DPH6: variants seen among roughly 807,000 people sequenced by gnomAD.
DPH6 encodes the protein diphthine--ammonia ligase.
DPH6 carries 33 observed loss-of-function variants against 38.2 expected under a neutral mutation model. The observed-to-expected ratio is 0.86, with a 90% CI of 0.65 to 1.15. DPH6 has a LOEUF of 1.15. Among genes scored for constraint, DPH6 ranks in the 50% most tolerant of loss-of-function variants. The pLI, the probability that DPH6 is intolerant of heterozygous loss-of-function variation, is 0.00. For synonymous variants in DPH6, 108 were observed against 103.0 expected (o/e 1.05, Z -0.30); for missense variants, 325 against 320.0 (o/e 1.02, Z -0.12).
At chr15:35,202,122 T>C in the DPH6 span, among the ~76,000 whole-genome samples, 1 of 151,868 alleles carries the variant, frequency 6.6e-6, no homozygotes, top group African/African-American at 2.4e-5. Flanking sequence ...ACAGATATAA[T>C]CTATCTATAT....
chr15:35,299,472 C>G, intron 3 of DPH6: 1 of 762,858 alleles, frequency 1.3e-6, no homozygotes, highest in Non-Finnish European at 2.4e-6. Flanking sequence ...GCCCGCCCGC[C>G]GACTCTGCCC....
At chr15:35,473,971 T>C (rs979656080) in intron 3 of DPH6, among the ~76,000 whole-genome samples, 3 of 146,328 alleles carry the variant, frequency 2.1e-5, no homozygotes, top group African/African-American at 5.2e-5. Context: ...CGCGCGCGCG[T>C]GAGCTTTTGT....
chr15:35,513,229 T>C (rs1397684092), intron 3 of DPH6, among the ~76,000 whole-genome samples: 6 of 152,108 alleles, frequency 3.9e-5, no homozygotes, highest in Admixed American at 3.3e-4. Context: ...ATCTTCATAT[T>C]TTTATACTTT....
At chr15:35,209,845 T>A in the DPH6 span, among the ~76,000 whole-genome samples, 1 of 152,224 alleles carries the variant, frequency 6.6e-6, no homozygotes, top group Non-Finnish European at 1.5e-5. Context: ...TGAAGTGCAC[T>A]GAGACTTGAT....
intron 5 of DPH6, among the ~76,000 whole-genome samples, chr15:35,425,998 T>A (rs1331701549): frequency 6.6e-6 from 1 of 151,290 alleles, no homozygotes; most frequent in Non-Finnish European, 1.5e-5. Flanking sequence ...TTACTCCCCT[T>A]TATAAACTGA....
At chr15:35,441,841 T>A (rs2141059110) in intron 5 of DPH6, among the ~76,000 whole-genome samples, 1 of 152,196 alleles carries the variant, frequency 6.6e-6, no homozygotes, top group African/African-American at 2.4e-5. Context: ...TATGTATGTG[T>A]GTGTGTATAC....
chr15:35,224,669 C>T (rs933006562), intron 3 of DPH6, among the ~76,000 whole-genome samples: 6 of 152,068 alleles, frequency 3.9e-5, no homozygotes, highest in Non-Finnish European at 8.8e-5. Context: ...AGTGGCTGTG[C>T]CATTTTGTAT....
chr15:35,229,006 T>C (rs935483596), intron 3 of DPH6, among the ~76,000 whole-genome samples: 1 of 152,208 alleles, frequency 6.6e-6, no homozygotes, highest in Non-Finnish European at 1.5e-5. Flanking sequence ...GAAAGTTTGA[T>C]TATTAAATGC....
At chr15:35,165,741 C>G in the DPH6 span, among the ~76,000 whole-genome samples, 1 of 151,866 alleles carries the variant, frequency 6.6e-6, no homozygotes, top group Non-Finnish European at 1.5e-5. Flanking sequence ...TCATTGTGAT[C>G]AGTAATTAGA....
intron 3 of DPH6, among the ~76,000 whole-genome samples, chr15:35,355,030 C>G (rs1223431564): frequency 6.6e-6 from 1 of 152,144 alleles, no homozygotes; most frequent in Admixed American, 6.5e-5. Flanking sequence ...ATCCCTTTAC[C>G]ATTACGTAAT....
chr15:35,344,517 A>T (rs1291491872), intron 3 of DPH6, among the ~76,000 whole-genome samples: 2 of 151,916 alleles, frequency 1.3e-5, no homozygotes, highest in African/African-American at 4.8e-5. Context: ...ACTTAAAAGG[A>T]TGTTACAAAA....
chr15:35,245,663 T>C (rs575977916), intron 3 of DPH6, among the ~76,000 whole-genome samples: 1 of 152,348 alleles, frequency 6.6e-6, no homozygotes, highest in South Asian at 2.1e-4. Context: ...AGAAGACTTA[T>C]TTCCCTCTGA....
chr15:35,538,997 T>G (rs142163303), intron 2 of DPH6, among the ~76,000 whole-genome samples: 15 of 152,208 alleles, frequency 9.9e-5, no homozygotes, highest in African/African-American at 3.6e-4. Flanking sequence ...TAGATAGATA[T>G]ATATTCAATA....
At position 35,481,755 on chromosome 15, in the gene DPH6, T is replaced by C. The variant is rs917560102; in HGVS notation, c.313-26935A>G. Among the ~76,000 whole-genome samples the C allele has an allele frequency of 7.9e-5, 12 of 152,298 alleles. No individual in the cohort carries two copies. In the East Asian group the frequency reaches 2.3e-3, roughly 29 times the overall value. On this transcript the variant is annotated intron_variant, in intron 3 of 8. Transcript: ENST00000256538. ...TGAAACAAGATGGGTTATAACTTAA[T>C]TGTAGCTGGCTAATAAGTACCTGGG...
chr15:35,500,339 C>T (rs1016589846), intron 3 of DPH6, among the ~76,000 whole-genome samples: 1 of 152,122 alleles, frequency 6.6e-6, no homozygotes, highest in Non-Finnish European at 1.5e-5. Flanking sequence ...TATACTCTCG[C>T]CTTGCAAATG....
chr15:35,314,699 G>A (rs141001359), intron 3 of DPH6, among the ~76,000 whole-genome samples: 2 of 152,260 alleles, frequency 1.3e-5, no homozygotes, highest in Admixed American at 6.5e-5. Flanking sequence ...TGGTCATTTG[G>A]TATTTGAAGC....
the DPH6 span, among the ~76,000 whole-genome samples, chr15:35,148,444 T>A: frequency 6.6e-6 from 1 of 152,206 alleles, no homozygotes; most frequent in Non-Finnish European, 1.5e-5. Flanking sequence ...GATTGAAATA[T>A]ATTCAATATT....
intron 3 of DPH6, among the ~76,000 whole-genome samples, chr15:35,532,753 AGAG>A (rs1446800082): frequency 6.6e-6 from 1 of 152,038 alleles, no homozygotes; most frequent in African/African-American, 2.4e-5. Flanking sequence ...TGTTTTTTAA[AGAG>A]GAGGAGGAAG....
intron 3 of DPH6, among the ~76,000 whole-genome samples, chr15:35,458,229 G>A (rs774238844): frequency 2.0e-5 from 3 of 152,102 alleles, no homozygotes; most frequent in Non-Finnish European, 4.4e-5. Flanking sequence ...AGGGCTGACC[G>A]TACTGCTACT....
Sources: allele counts gnomAD v4.1 joint callset (sites outside exome capture counted in the v4.1 genomes callset), GRCh38; gene constraint gnomAD v4.1.1; transcripts MANE v1.5; gene names NCBI Gene and HGNC (gene_info 2026-07-23, HGNC 2026-07-21).